ALG11: variants seen among roughly 807,000 people sequenced by gnomAD.
The protein encoded by ALG11 is GDP-Man:Man(3)GlcNAc(2)-PP-Dol alpha-1,2-mannosyltransferase.
A neutral mutation model predicts 38.8 loss-of-function variants in ALG11; 26 were observed. That is an observed-to-expected ratio of 0.67 (90% CI 0.49 to 0.93). The LOEUF (loss-of-function observed/expected upper bound fraction) is 0.93. ALG11 is among the 40% of genes least tolerant of loss of function. The pLI, the probability that ALG11 is intolerant of heterozygous loss-of-function variation, is 0.00. For missense variants in ALG11, 535 were observed against 578.8 expected (o/e 0.92, Z 0.78); for synonymous variants, 199 against 211.6 (o/e 0.94, Z 0.52).
Position 52,028,936 on chromosome 13 carries a change from G to A in ALG11, c.*346G>A. 1 of 1,614,236 alleles carries A rather than the reference G, an allele frequency of 6.2e-7. No individual in the cohort carries two copies. The highest frequency in any genetic ancestry group is 1.3e-5 in the African/African-American group (1 of 75,064). On this transcript the variant is annotated 3_prime_UTR_variant, in exon 4 of 4. Coordinates refer to ENST00000521508, the MANE Select transcript of ALG11 (RefSeq NM_001004127.3). ...GTGATGGAGAGAGAAAGCATCAAAAGCTTCTGGAAGCAATCATTTCCCTTG... is the reference window on the plus strand; with the variant it reads ...GTGATGGAGAGAGAAAGCATCAAAAACTTCTGGAAGCAATCATTTCCCTTG...
Position 52,030,477 on chromosome 13 carries a change from A to G in ALG11, c.*1887A>G. On this transcript the variant is annotated 3_prime_UTR_variant, in exon 4 of 4. Transcript: ENST00000521508. ...AAGAAAGAGAAGGAGCAACTGATCAACCTACAGAACTTCCTGACCACACAG... is the reference window on the plus strand; with the variant it reads ...AAGAAAGAGAAGGAGCAACTGATCAGCCTACAGAACTTCCTGACCACACAG... 6.2e-7 allele frequency: 1 copy of G among 1,614,270 alleles called. No homozygotes were observed. Among genetic ancestry groups the G allele is most frequent in the Non-Finnish European group, 8.5e-7 (1 of 1,180,050 alleles).
intron 2 of ALG11, chr13:52,022,805 TCTC>T (rs1216256498): frequency 1.3e-5 from 2 of 152,134 alleles, no homozygotes; most frequent in Non-Finnish European, 2.9e-5. Context: ...TTCAAGCAAT[TCTC>T]CTGCCTCAGC....
rs1360096715 is a variant in ALG11, at chr13:52,030,126, C to T, written c.*1536C>T. 4 of 1,614,070 alleles carry T rather than the reference C, an allele frequency of 2.5e-6. No homozygotes were observed. The Admixed American group carries it at 6.7e-5, about 27-fold the overall frequency. ...GAGCTCAACCAGGATGCTGAGCCAG[C>T]AAGCAGTCAAGAAACAAAAGATTCT... On this transcript the variant is annotated 3_prime_UTR_variant, in exon 4 of 4. Coordinates refer to ENST00000521508, the MANE Select transcript of ALG11 (RefSeq NM_001004127.3).
At chr13:52,023,856 A>G in intron 2 of ALG11, 150 bp from the exon 3 acceptor site, 1 of 489,764 alleles carries the variant, frequency 2.0e-6, no homozygotes, top group Non-Finnish European at 3.6e-6. Context: ...GTTCGGTGGC[A>G]TGATCACGGC....
rs747064031 is a variant in ALG11, at chr13:52,030,440, G to C, written c.*1850G>C. On this transcript the variant is annotated 3_prime_UTR_variant, in exon 4 of 4. Transcript: ENST00000521508. The stretch of plus-strand genomic sequence containing the variant: ...GAGGACCCCAAATAATCGGCCTGAT[G>C]CCCCTAAGGAGAAGAAAGAGAAGGA... The C allele has an allele frequency of 6.2e-6, 10 of 1,614,114 alleles. No homozygotes were observed. In the South Asian group the frequency reaches 1.1e-4, roughly 18 times the overall value.
In ALG11 at chr13:52,028,906, G is replaced by T; in HGVS notation, c.*316G>T. The T allele has an allele frequency of 6.2e-7, 1 of 1,614,166 alleles. No homozygotes were observed. The highest frequency in any genetic ancestry group is 8.5e-7 in the Non-Finnish European group (1 of 1,180,032). ...CCTTGAGTGAAAATGAAGATGAGGG[G>T]GACAGTGATGGAGAGAGAAAGCATC... On this transcript the variant is annotated 3_prime_UTR_variant, in exon 4 of 4. Coordinates refer to ENST00000521508, the MANE Select transcript of ALG11 (RefSeq NM_001004127.3).
chr13:52,033,045 C>CTTA lies in ALG11; in HGVS notation c.*4458_*4460dup, dbSNP rs1954320513. On this transcript the variant is annotated 3_prime_UTR_variant, in exon 4 of 4. Coordinates refer to ENST00000521508, the MANE Select transcript of ALG11 (RefSeq NM_001004127.3). Reference sequence around the variant, plus strand: ...GGAATTCCGTAAATTATATTTTAAGCTTATTTCTTCAAAATTATTTTCATA... The same window carrying CTTA: ...GGAATTCCGTAAATTATATTTTAAGCTTATTATTTCTTCAAAATTATTTTCATA... The CTTA allele has an allele frequency of 6.0e-6, 1 of 167,024 alleles. No homozygotes were observed. The highest frequency in any genetic ancestry group is 1.9e-4 in the East Asian group (1 of 5,204). The allele number at this position is 167,024 out of a possible 1,614,324, so 10.3% of individuals were successfully genotyped here.
chr13:52,018,522 A>T (rs947091345), intron 1 of ALG11, among the ~76,000 whole-genome samples: 2 of 151,816 alleles, frequency 1.3e-5, no homozygotes, highest in Non-Finnish European at 2.9e-5. Flanking sequence ...CAAAAGACAT[A>T]TTTTTTTTGG....
At chr13:52,018,817 C>A in intron 1 of ALG11, 96 bp from the exon 2 acceptor site, 1 of 992,944 alleles carries the variant, frequency 1.0e-6, no homozygotes, top group Non-Finnish European at 1.5e-6. Context: ...CTCTTTGTTA[C>A]TAATATATAA....
chr13:52,027,335 T>TA (rs1954250857), intron 3 of ALG11, among the ~76,000 whole-genome samples: 1 of 152,006 alleles, frequency 6.6e-6, no homozygotes, highest in Admixed American at 6.5e-5. Context: ...TCCTAGCTGA[T>TA]AGGAAGGAGC....
chr13:52,012,477 G>A lies in ALG11; in HGVS notation c.44+15G>A. On this transcript the variant is annotated intron_variant, in intron 1 of 3. Transcript: ENST00000521508. ...AAGTTGTTGAGGTGAGCAGCCGGTCGTGTGGGCTCACAGACGTTTTCTCTT... is the reference window on the plus strand; with the variant it reads ...AAGTTGTTGAGGTGAGCAGCCGGTCATGTGGGCTCACAGACGTTTTCTCTT... The A allele has an allele frequency of 1.9e-6, 3 of 1,614,080 alleles. No homozygotes were observed. The highest frequency in any genetic ancestry group is 2.2e-5 in the East Asian group (1 of 44,884).
intron 1 of ALG11, among the ~76,000 whole-genome samples, chr13:52,018,651 A>G (rs924045612): frequency 1.2e-4 from 18 of 152,188 alleles, no homozygotes; most frequent in African/African-American, 3.1e-4. Context: ...AGGGGGTTCA[A>G]TGTTGATTTT....
rs774520716 is a variant in ALG11, at chr13:52,018,969, G to C, written c.101G>C (p.Cys34Ser). ...ATTGTATGTGGAACTTTATGTGTGT[G>C]TTTGGTCATTGTCCTTTGGGGAATC... ...GLIVCGTLCV[C>S]LVIVLWGIRL... Residue 34 changes from cysteine to serine, a missense_variant, in exon 2 of 4, where the codon TGT (cysteine) becomes TCT (serine). Physicochemically the swap from Cys to Ser is moderately radical, Grantham distance 112. Coordinates refer to ENST00000521508, the MANE Select transcript of ALG11 (RefSeq NM_001004127.3). 6 of 1,613,882 alleles carry C rather than the reference G, an allele frequency of 3.7e-6. No individual in the cohort carries two copies. In the East Asian group the frequency reaches 6.7e-5, roughly 18 times the overall value.
chr13:52,015,623 C>T (rs1025082746), intron 1 of ALG11, among the ~76,000 whole-genome samples: 9 of 152,152 alleles, frequency 5.9e-5, no homozygotes, highest in South Asian at 2.1e-4. Flanking sequence ...AGTAAGTTCA[C>T]GAGATCTGAT....
chr13:52,027,319 C>G (rs1452361699), intron 3 of ALG11, among the ~76,000 whole-genome samples: 2 of 152,018 alleles, frequency 1.3e-5, no homozygotes, highest in Admixed American at 1.3e-4. Context: ...ATGTGGTGCC[C>G]TAGCTTCCTA....
rs1228418153 is a variant in ALG11, at chr13:52,030,287, G to A, written c.*1697G>A. The A allele has an allele frequency of 6.2e-7, 1 of 1,614,220 alleles. No homozygotes were observed. Among genetic ancestry groups the A allele is most frequent in the Admixed American group, 1.7e-5 (1 of 60,028 alleles). ...GAGAGAGGAACCTGCCCCAGAAGAAGCGGAACCCCTATTGCTACAGAGGTC... is the reference window on the plus strand; with the variant it reads ...GAGAGAGGAACCTGCCCCAGAAGAAACGGAACCCCTATTGCTACAGAGGTC... On this transcript the variant is annotated 3_prime_UTR_variant, in exon 4 of 4. Transcript: ENST00000521508.
Position 52,024,769 on chromosome 13 carries a change from A to G in ALG11, c.1039A>G (p.Asn347Asp). ...LKLVLIGGCRNKDDELRVNQL... is the reference protein window; with the variant it reads ...LKLVLIGGCRDKDDELRVNQL... The stretch of plus-strand genomic sequence containing the variant: ...ACTTGTCCTCATTGGAGGTTGTCGT[A>G]ACAAAGATGATGAACTTAGGGTAAA... The change falls in exon 3 of 4, where the codon AAC becomes GAC. Residue 347 changes from asparagine (N) to aspartate (D), a missense_variant. Transcript: ENST00000521508. 6.2e-7 allele frequency: 1 copy of G among 1,614,260 alleles called. No homozygotes were observed. Among genetic ancestry groups the G allele is most frequent in the South Asian group, 1.1e-5 (1 of 91,088 alleles).
rs1161435439 is a variant in ALG11 at position 52,030,848 on chromosome 13, C to G, written c.*2258C>G. ...CATCCACGCAGCAGCTCATCAGGTACAAGTGCTTCCATATCCATTTACCCA... is the reference window on the plus strand; with the variant it reads ...CATCCACGCAGCAGCTCATCAGGTAGAAGTGCTTCCATATCCATTTACCCA... On this transcript the variant is annotated 3_prime_UTR_variant, in exon 4 of 4. Transcript: ENST00000521508. 1 of 1,614,082 alleles carries G rather than the reference C, an allele frequency of 6.2e-7. No homozygotes were observed. Among genetic ancestry groups the G allele is most frequent in the Admixed American group, 1.7e-5 (1 of 60,014 alleles).
rs375499099 is a variant in ALG11, at chr13:52,030,870, C to T, written c.*2280C>T. 3.1e-6 allele frequency: 5 copies of T among 1,614,170 alleles called. No homozygotes were observed. Among genetic ancestry groups the T allele is most frequent in the Non-Finnish European group, 4.2e-6 (5 of 1,180,036 alleles). Reference sequence around the variant, plus strand: ...GTACAAGTGCTTCCATATCCATTTACCCACCATCGGCAATTTGAAAGGACC... The same window carrying T: ...GTACAAGTGCTTCCATATCCATTTATCCACCATCGGCAATTTGAAAGGACC... On this transcript the variant is annotated 3_prime_UTR_variant, in exon 4 of 4. Coordinates refer to ENST00000521508, the MANE Select transcript of ALG11 (RefSeq NM_001004127.3).
Sources: allele counts gnomAD v4.1 joint callset (sites outside exome capture counted in the v4.1 genomes callset), GRCh38; gene constraint gnomAD v4.1.1; transcripts MANE v1.5; gene names NCBI Gene and HGNC (gene_info 2026-07-23, HGNC 2026-07-21).